OTOF: variants seen among roughly 807,000 people sequenced by gnomAD.
OTOF encodes fer-1-like family member 2.
OTOF carries 218 observed loss-of-function variants against 236.8 expected under a neutral mutation model. The ratio of observed to expected loss-of-function variants is 0.92; its 90% confidence interval spans 0.82 to 1.03. The LOEUF (loss-of-function observed/expected upper bound fraction) is 1.03, where lower values mean the gene tolerates loss of function less well. Ranked by LOEUF, OTOF falls within the 50% of genes least tolerant of loss-of-function variation. The pLI is 0.00. For missense variants in OTOF, 2,590 were observed against 2,694.4 expected (o/e 0.96, Z 0.86); for synonymous variants, 1,041 against 1,072.5 (o/e 0.97, Z 0.57).
chr2:26,495,262 CTCAAGTGTCT>C (rs1665954167), intron 8 of OTOF, among the ~76,000 whole-genome samples, 189 bp from the exon 9 acceptor site: 2 of 151,688 alleles, frequency 1.3e-5, no homozygotes, highest in Admixed American at 1.3e-4. Context: ...CCTTCTATGC[CTCAAGTGTCT>C]TCATTTATAG....
Position 26,501,752 on chromosome 2 carries a change from AC to A in OTOF, c.765+1del. The stretch of plus-strand genomic sequence containing the variant: ...ACATGAGGCCTCCAGGTGCCCACCT[AC>A]CTGGTAATCCATGGGCCGCCCAGCA... On this transcript the variant is annotated splice_donor_variant, in intron 8 of 46. Coordinates refer to ENST00000272371, the MANE Select transcript of OTOF (RefSeq NM_194248.3). LOFTEE classifies it high-confidence loss of function. The A allele has an allele frequency of 1.2e-6, 2 of 1,611,838 alleles. No individual in the cohort carries two copies. The highest frequency in any genetic ancestry group is 1.7e-6 in the Non-Finnish European group (2 of 1,177,868).
At position 26,462,213 on chromosome 2, in the gene OTOF, C is replaced by T; in HGVS notation, c.5193-32G>A. ...CCAGGGAGAGAAGGCTGGTTAGCAG[C>T]CCCAGGTGGGGGTTATGCCAGGGTG... On this transcript the variant is annotated intron_variant, in intron 41 of 46. Transcript: ENST00000272371. The surrounding 1 kb of genome is among the most constrained non-coding windows in gnomAD (Gnocchi z 4.7). 2 of 1,586,984 alleles carry T rather than the reference C, an allele frequency of 1.3e-6. No individual in the cohort carries two copies. Among genetic ancestry groups the T allele is most frequent in the Non-Finnish European group, 1.7e-6 (2 of 1,155,596 alleles).
chr2:26,481,160 C>A (rs1367855565), intron 14 of OTOF, 151 bp from the exon 15 acceptor site: 3 of 652,852 alleles, frequency 4.6e-6, no homozygotes, highest in Non-Finnish European at 8.3e-6. Flanking sequence ...AGCCTTCTTA[C>A]ACTGCGCTGG....
At position 26,477,330 on chromosome 2, in the gene OTOF, C is replaced by T. The variant is rs778297342; in HGVS notation, c.2407-42G>A. On this transcript the variant is annotated intron_variant, in intron 20 of 46. Coordinates refer to ENST00000272371, the MANE Select transcript of OTOF (RefSeq NM_194248.3). This position sits in a 1 kb window ranked among gnomAD's most constrained non-coding sequence, Gnocchi z 4.7. ...GTCAGTGAACCCAGCAACTGGGGGA[C>T]AGCTCGGGCCATGACAAAGGGGGTT... The T allele has an allele frequency of 1.3e-6, 2 of 1,595,958 alleles. No individual in the cohort carries two copies. Among genetic ancestry groups the T allele is most frequent in the Non-Finnish European group, 1.7e-6 (2 of 1,168,554 alleles).
intron 35 of OTOF, 99 bp from the exon 36 acceptor site, chr2:26,466,950 G>A: frequency 3.2e-6 from 5 of 1,575,490 alleles, no homozygotes; most frequent in Non-Finnish European, 4.4e-6. Context: ...TGATGTGGCA[G>A]GGCCTTCACC....
intron 11 of OTOF, among the ~76,000 whole-genome samples, chr2:26,486,261 G>C (rs563274843): frequency 6.7e-6 from 1 of 150,340 alleles, no homozygotes; most frequent in South Asian, 2.1e-4. Context: ...TGGGTGGGTG[G>C]GTGGATGGAT....
At chr2:26,488,134 G>A (rs1665745337) in intron 11 of OTOF, among the ~76,000 whole-genome samples, 1 of 152,214 alleles carries the variant, frequency 6.6e-6, no homozygotes, top group African/African-American at 2.4e-5. Flanking sequence ...TGCACCAGCT[G>A]GACGTCTCTT....
chr2:26,493,541 G>T (rs1665899729), intron 9 of OTOF, among the ~76,000 whole-genome samples: 1 of 152,200 alleles, frequency 6.6e-6, no homozygotes, highest in South Asian at 2.1e-4. Flanking sequence ...AAAGGCCTGG[G>T]CATCCTGGTG....
intron 2 of OTOF, among the ~76,000 whole-genome samples, chr2:26,529,715 A>G (rs1306417680): frequency 6.6e-6 from 1 of 151,564 alleles, no homozygotes; most frequent in Non-Finnish European, 1.5e-5. Context: ...CCTTTGTGAC[A>G]TCTCCCTTCA....
chr2:26,549,089 A>G (rs1667401360), intron 1 of OTOF, among the ~76,000 whole-genome samples: 1 of 152,176 alleles, frequency 6.6e-6, no homozygotes, highest in Non-Finnish European at 1.5e-5. Context: ...TTGTATTTTC[A>G]TTATAATTCA....
At position 26,477,390 on chromosome 2, in the gene OTOF, C is replaced by G. The variant is rs1438485526; in HGVS notation, c.2406+26G>C. 1 of 1,567,752 alleles carries G rather than the reference C, an allele frequency of 6.4e-7. No individual in the cohort carries two copies. Among genetic ancestry groups the G allele is most frequent in the East Asian group, 2.3e-5 (1 of 42,588 alleles). On this transcript the variant is annotated intron_variant, in intron 20 of 46. Coordinates refer to ENST00000272371, the MANE Select transcript of OTOF (RefSeq NM_194248.3). The surrounding 1 kb of genome is among the most constrained non-coding windows in gnomAD (Gnocchi z 4.7). ...TCTCACAACCAGGCCCTCCCTCCAGCCCCCGCCGTCCAGTTGCGTCCTCAC... is the reference window on the plus strand; with the variant it reads ...TCTCACAACCAGGCCCTCCCTCCAGGCCCCGCCGTCCAGTTGCGTCCTCAC...
At position 26,463,484 on chromosome 2, in the gene OTOF, T is replaced by C; in HGVS notation, c.5191A>G (p.Lys1731Glu). 3.1e-6 allele frequency: 5 copies of C among 1,600,164 alleles called. No individual in the cohort carries two copies. Among genetic ancestry groups the C allele is most frequent in the Non-Finnish European group, 3.4e-6 (4 of 1,173,514 alleles). Residue 1731 changes from lysine (K) to glutamate (E), a missense_variant and splice_region_variant, in exon 41 of 47, where the codon AAG becomes GAG. Around this residue, in one of 2 missense-constraint regions of OTOF, gnomAD observed 1,211 missense variants for 1,352.8 expected, o/e 0.90. Transcript: ENST00000272371. ...PLDISPRKPK[K>E]YELRVIIWNT... ...AGCGCTGGGCCCCAGGCCGCTCACTTCTTGGGCTTCCGAGGTGAGATGTCC... is the reference window on the plus strand; with the variant it reads ...AGCGCTGGGCCCCAGGCCGCTCACTCCTTGGGCTTCCGAGGTGAGATGTCC...
intron 29 of OTOF, among the ~76,000 whole-genome samples, 166 bp downstream of exon 29, chr2:26,472,966 G>A (rs1278672223): frequency 2.0e-5 from 3 of 152,214 alleles, no homozygotes; most frequent in African/African-American, 4.8e-5. Context: ...TAGAGCTGGC[G>A]TCACCTTGGG....
chr2:26,473,501 C>T lies in OTOF; in HGVS notation c.3475G>A (p.Asp1159Asn). Reference protein sequence around the residue: ...NLAQVDRPRVDIECAGKGVQS... With the variant: ...NLAQVDRPRVNIECAGKGVQS... ...ACCCCCTTCCCTGCACACTCGATGT[C>T]CACCCGTGGCCGGTCCACCTGGGCC... The change falls in exon 28 of 47, where the codon GAC becomes AAC. Residue 1159 changes from aspartate (D) to asparagine (N), a missense_variant. Transcript: ENST00000272371. This position sits in a 1 kb window ranked among gnomAD's most constrained non-coding sequence, Gnocchi z 7.2. The T allele has an allele frequency of 6.2e-7, 1 of 1,612,906 alleles. No homozygotes were observed. Among genetic ancestry groups the T allele is most frequent in the Non-Finnish European group, 8.5e-7 (1 of 1,179,938 alleles).
At chr2:26,487,132 G>T (rs143956478) in intron 11 of OTOF, among the ~76,000 whole-genome samples, 129 of 152,272 alleles carry the variant, frequency 8.5e-4, no homozygotes, top group Non-Finnish European at 1.6e-3. Flanking sequence ...GTGAGAAGAG[G>T]TTCTCTCGGG....
chr2:26,471,629 CATT>C (rs1664978858), intron 30 of OTOF, among the ~76,000 whole-genome samples: 1 of 152,214 alleles, frequency 6.6e-6, no homozygotes, highest in Non-Finnish European at 1.5e-5. Flanking sequence ...CATAAGGAAT[CATT>C]ACCTATGGTG....
At chr2:26,512,649 G>T (rs1170925699) in intron 5 of OTOF, among the ~76,000 whole-genome samples, 1 of 152,182 alleles carries the variant, frequency 6.6e-6, no homozygotes, top group Non-Finnish European at 1.5e-5. Flanking sequence ...GGCCAGTAAG[G>T]CTCCTGTGTG....
chr2:26,510,455 C>T (rs1205297074), intron 5 of OTOF, among the ~76,000 whole-genome samples: 3 of 152,036 alleles, frequency 2.0e-5, no homozygotes, highest in Non-Finnish European at 2.9e-5. Flanking sequence ...GGATGGTCAC[C>T]CCCGAGAGCC....
In OTOF at chr2:26,502,419, C is replaced by T. The variant is rs779916426; in HGVS notation, c.591G>A (p.Pro197=). 64 of 1,613,060 alleles carry T rather than the reference C, an allele frequency of 4.0e-5. No homozygotes were observed. In the East Asian group the frequency reaches 1.1e-3, roughly 27 times the overall value. The change falls in exon 7 of 47, where the codon CCG becomes CCA. Residue 197 remains proline, a synonymous_variant. Coordinates refer to ENST00000272371, the MANE Select transcript of OTOF (RefSeq NM_194248.3). ...HKEEPQRPDE[P]AVLEMEDLDH... The stretch of plus-strand genomic sequence containing the variant: ...CAAGGTCTTCCATCTCCAGCACCGC[C>T]GGTTCATCTGGGGAAGATGAAAGAC...
Sources: allele counts gnomAD v4.1 joint callset (sites outside exome capture counted in the v4.1 genomes callset), GRCh38; gene constraint gnomAD v4.1.1; regional missense constraint gnomAD v4.1.1; non-coding constraint Gnocchi (gnomAD v3.1); transcripts MANE v1.5; gene names NCBI Gene and HGNC (gene_info 2026-07-23, HGNC 2026-07-21).